Variants in STRN observed in about 807,000 individuals in gnomAD.
STRN encodes striatin, also known as protein phosphatase 2 regulatory subunit B'''alpha.
STRN carries 53 observed loss-of-function variants against 96.3 expected under a neutral mutation model. The ratio of observed to expected loss-of-function variants is 0.55; its 90% confidence interval spans 0.44 to 0.69. The LOEUF (loss-of-function observed/expected upper bound fraction) is 0.69, where lower values mean the gene tolerates loss of function less well. Ranked by LOEUF, STRN falls within the 30% of genes least tolerant of loss-of-function variation. The pLI, the probability that STRN is intolerant of heterozygous loss-of-function variation, is 0.00. For missense variants in STRN, 987 were observed against 963.9 expected, an observed-to-expected ratio of 1.02 and a Z score of -0.32; for synonymous variants, 428 against 355.9, an observed-to-expected ratio of 1.20 and a Z score of -2.28.
rs1668067505 is a variant in STRN, at chr2:36,846,054, A to C, written c.*3402T>G. 1 of 130,398 alleles carries C rather than the reference A, an allele frequency of 7.7e-6. No individual in the cohort carries two copies. 8.1% of individuals were successfully genotyped at this position (130,398 alleles called of 1,614,324 possible). The stretch of plus-strand genomic sequence containing the variant: ...ATTTTTTTTTTTAAAGGCACCTCTC[A>C]TTTTCTAGCTATTGCCTTCTTGATG... On this transcript the variant is annotated 3_prime_UTR_variant, in exon 18 of 18. Transcript: ENST00000263918.
intron 16 of STRN, 102 bp from the exon 17 acceptor site, chr2:36,849,902 G>T: frequency 2.8e-6 from 3 of 1,081,902 alleles, no homozygotes; most frequent in Admixed American, 3.9e-5. Flanking sequence ...CCCTCTCTGT[G>T]TGCTTACTGT....
chr2:36,937,920 G>A (rs1670747985), intron 1 of STRN, among the ~76,000 whole-genome samples: 1 of 151,892 alleles, frequency 6.6e-6, no homozygotes. Flanking sequence ...GTTCTATAAA[G>A]AAAAGTAGGG....
At chr2:36,923,041 C>G (rs1323047089) in intron 2 of STRN, among the ~76,000 whole-genome samples, 1 of 151,664 alleles carries the variant, frequency 6.6e-6, no homozygotes, top group East Asian at 1.9e-4. Context: ...ACTTGGGAGG[C>G]TGAGGCAGGA....
Position 36,869,776 on chromosome 2 carries a change from A to G in STRN, c.1324-47T>C, listed in dbSNP as rs376137999. ...GATATCTACACACTTAGTTAAGGAT[A>G]GGGGAAAAAACTTGCATTTCAACAT... On this transcript the variant is annotated intron_variant, in intron 10 of 17. Transcript: ENST00000263918. 143 of 1,401,822 alleles carry G rather than the reference A, an allele frequency of 1.0e-4. No homozygotes were observed. The African/African-American group carries it at 1.9e-3, about 18-fold the overall frequency. The allele number at this position is 1,401,822 out of a possible 1,614,324, so 86.8% of individuals were successfully genotyped here. A position where few individuals can be genotyped will look rare whatever the true frequency, so the allele number is the denominator to read the frequency against.
intron 9 of STRN, among the ~76,000 whole-genome samples, chr2:36,882,208 A>G (rs1259122960): frequency 6.6e-6 from 1 of 152,186 alleles, no homozygotes; most frequent in Admixed American, 6.5e-5. Flanking sequence ...AGAAAAAAAC[A>G]TATGATTATG....
intron 6 of STRN, among the ~76,000 whole-genome samples, chr2:36,894,388 T>C (rs1478826401): frequency 1.3e-5 from 2 of 152,242 alleles, no homozygotes; most frequent in East Asian, 3.8e-4. Context: ...TGTATTTATT[T>C]TTTTCCCTAA....
rs917703331 is a variant in STRN at position 36,845,547 on chromosome 2, A to G, written c.*3909T>C. On this transcript the variant is annotated 3_prime_UTR_variant, in exon 18 of 18. Coordinates refer to ENST00000263918, the MANE Select transcript of STRN (RefSeq NM_003162.4). ...TTTACTAGTTGAATCTTTACCACAT[A>G]AGAACTTCATGACATGCTGTTTTGT... 6.6e-6 allele frequency: 1 copy of G among 152,174 alleles called. No individual in the cohort carries two copies. The highest frequency in any genetic ancestry group is 2.4e-5 in the African/African-American group (1 of 41,448). The allele number at this position is 152,174 out of a possible 1,614,324, so 9.4% of individuals were successfully genotyped here.
intron 2 of STRN, among the ~76,000 whole-genome samples, chr2:36,917,009 C>A (rs574508916): frequency 1.7e-4 from 25 of 144,730 alleles, no homozygotes; most frequent in African/African-American, 6.3e-4. Flanking sequence ...TGTGTTAAGA[C>A]TGGGACTCTG....
At chr2:36,874,715 G>C (rs1361842167) in intron 10 of STRN, among the ~76,000 whole-genome samples, 2 of 103,648 alleles carry the variant, frequency 1.9e-5, no homozygotes, top group Non-Finnish European at 3.8e-5. Context: ...TATGTTTAGA[G>C]TTAAAAAAAA....
At chr2:36,926,906 T>C (rs368446223) in intron 1 of STRN, among the ~76,000 whole-genome samples, 3 of 152,290 alleles carry the variant, frequency 2.0e-5, no homozygotes, top group East Asian at 1.9e-4. Flanking sequence ...ATGAAAGTCG[T>C]GTCAAAAGGA....
chr2:36,892,362 C>T (rs1309272987), intron 7 of STRN, among the ~76,000 whole-genome samples: 1 of 152,054 alleles, frequency 6.6e-6, no homozygotes, highest in African/African-American at 2.4e-5. Context: ...CCCTGAACTG[C>T]ATCATCACGC....
chr2:36,935,778 A>G (rs1223771023), intron 1 of STRN, among the ~76,000 whole-genome samples: 1 of 152,246 alleles, frequency 6.6e-6, no homozygotes, highest in Non-Finnish European at 1.5e-5. Context: ...AAAAGATAAA[A>G]GTTCAATCAC....
At position 36,838,032 on chromosome 2, in the gene STRN, G is replaced by A; in HGVS notation, c.*11424C>T. Among the ~76,000 whole-genome samples the A allele has an allele frequency of 6.6e-6, 1 of 152,222 alleles. No homozygotes were observed. The highest frequency in any genetic ancestry group is 1.9e-4 in the East Asian group (1 of 5,198). On this transcript the variant is annotated 3_prime_UTR_variant, in exon 18 of 18. Coordinates refer to ENST00000263918, the MANE Select transcript of STRN (RefSeq NM_003162.4). Reference sequence around the variant, plus strand: ...TGCAGGGCAGAGGGACTTGGCAGATGTAATTAAAGCTACTAATCAGTTGAC... The same window carrying A: ...TGCAGGGCAGAGGGACTTGGCAGATATAATTAAAGCTACTAATCAGTTGAC...
Position 36,843,178 on chromosome 2 carries a change from T to A in STRN, c.*6278A>T, listed in dbSNP as rs796295502. Reference sequence around the variant, plus strand: ...CAACACTACTGAAAATGTGTGTACATACCAAAGGATATAATACTCATTAGT... The same window carrying A: ...CAACACTACTGAAAATGTGTGTACAAACCAAAGGATATAATACTCATTAGT... On this transcript the variant is annotated 3_prime_UTR_variant, in exon 18 of 18. Coordinates refer to ENST00000263918, the MANE Select transcript of STRN (RefSeq NM_003162.4). 6.6e-6 allele frequency among the ~76,000 whole-genome samples: 1 copy of A among 152,162 alleles called. No homozygotes were observed. The highest frequency in any genetic ancestry group is 1.5e-5 in the Non-Finnish European group (1 of 68,024).
intron 13 of STRN, among the ~76,000 whole-genome samples, chr2:36,860,169 A>G (rs1186156785): frequency 6.6e-6 from 1 of 152,212 alleles, no homozygotes; most frequent in Non-Finnish European, 1.5e-5. Context: ...GAACAAGAGC[A>G]GAAGAGCAAG....
At position 36,842,110 on chromosome 2, in the gene STRN, C is replaced by CT. The variant is rs1667967555; in HGVS notation, c.*7345dup. 6 of 152,330 alleles carry CT rather than the reference C, an allele frequency of 3.9e-5. No homozygotes were observed. In the South Asian group the frequency reaches 1.2e-3, roughly 32 times the overall value. 9.4% of individuals were successfully genotyped at this position (152,330 alleles called of 1,614,324 possible). ...AGGGAAGTAGTTGGATGCCAGCATA[C>CT]TTTAACATTTCGGCACATATACAAA... On this transcript the variant is annotated 3_prime_UTR_variant, in exon 18 of 18. Transcript: ENST00000263918.
Position 36,886,835 on chromosome 2 carries a change from A to G in STRN, c.932-9T>C. The G allele has an allele frequency of 6.2e-7, 1 of 1,603,434 alleles. No homozygotes were observed. Among genetic ancestry groups the G allele is most frequent in the Non-Finnish European group, 8.5e-7 (1 of 1,174,810 alleles). On this transcript the variant is annotated splice_polypyrimidine_tract_variant and intron_variant, in intron 7 of 17. Transcript: ENST00000263918. Reference sequence around the variant, plus strand: ...ACACTGGTCTTCCTTTTCTAAACAGAGTGAAACAAATGAAACAGCCTTTTT... The same window carrying G: ...ACACTGGTCTTCCTTTTCTAAACAGGGTGAAACAAATGAAACAGCCTTTTT...
rs80035094 is a variant in STRN at position 36,860,310 on chromosome 2, G to C, written c.1669+822C>G. Among the ~76,000 whole-genome samples, 949 of 152,240 alleles carry C rather than the reference G, an allele frequency of 6.2e-3. 9 individuals are homozygous for C. The highest frequency in any genetic ancestry group is 0.021 in the African/African-American group (854 of 41,544). On this transcript the variant is annotated intron_variant, in intron 13 of 17. Transcript: ENST00000263918. ...GAGGGACAGTTGATCCTCTGGCAGA[G>C]AGGTAAAGGAAGTAAGGAAAGACAT... is the stretch of plus-strand genomic sequence containing the variant.
chr2:36,841,213 T>C lies in STRN; in HGVS notation c.*8243A>G, dbSNP rs1667943837. On this transcript the variant is annotated 3_prime_UTR_variant, in exon 18 of 18. Transcript: ENST00000263918. ...CGATTCTGACAAAAGGAGTTTATTG[T>C]CTTGCTTGTTAAAAGGCTGACCAAA... The C allele has an allele frequency of 1.3e-5, 2 of 152,018 alleles. No individual in the cohort carries two copies. The highest frequency in any genetic ancestry group is 4.8e-5 in the African/African-American group (2 of 41,386). The allele number at this position is 152,018 out of a possible 1,614,324, so 9.4% of individuals were successfully genotyped here.
Sources: allele counts gnomAD v4.1 joint callset (sites outside exome capture counted in the v4.1 genomes callset), GRCh38; gene constraint gnomAD v4.1.1; transcripts MANE v1.5; gene names NCBI Gene and HGNC (gene_info 2026-07-23, HGNC 2026-07-21).